IFT88: variants seen among roughly 807,000 people sequenced by gnomAD.
The protein encoded by IFT88 is intraflagellar transport 88.
Under a neutral mutation model 119.5 loss-of-function variants are expected in IFT88, and 74 were observed. The ratio of observed to expected loss-of-function variants is 0.62; its 90% confidence interval spans 0.51 to 0.75. The LOEUF (loss-of-function observed/expected upper bound fraction) is 0.75. IFT88 is among the 30% of genes least tolerant of loss of function. The pLI is 0.00. For missense variants in IFT88, 961 were observed against 977.7 expected (o/e 0.98, Z 0.23); for synonymous variants, 279 against 316.7 (o/e 0.88, Z 1.26).
At chr13:20,660,827 C>CCTTTTCGATGTCCAAGAGGAT (rs1487656835) in intron 22 of IFT88, among the ~76,000 whole-genome samples, 6 of 152,094 alleles carry the variant, frequency 3.9e-5, no homozygotes, top group African/African-American at 1.4e-4. Flanking sequence ...GTTTGAGCTA[C>CCTTTTCGATGTCCAAGAGGAT]CTTTTCGATG....
intron 3 of IFT88, among the ~76,000 whole-genome samples, chr13:20,587,839 C>T (rs1189390377): frequency 2.0e-5 from 3 of 151,714 alleles, no homozygotes; most frequent in Non-Finnish European, 2.9e-5. Flanking sequence ...CCAACTTTTC[C>T]GTATCAATTT....
chr13:20,602,372 GT>G (rs1436426819), intron 12 of IFT88, among the ~76,000 whole-genome samples: 2 of 151,850 alleles, frequency 1.3e-5, no homozygotes, highest in South Asian at 2.1e-4. Flanking sequence ...GCCCGGCTAA[GT>G]TTTTTATTTT....
At chr13:20,649,236 G>A (rs544935736) in intron 20 of IFT88, among the ~76,000 whole-genome samples, 6 of 152,220 alleles carry the variant, frequency 3.9e-5, no homozygotes, top group East Asian at 1.9e-4. Context: ...TACATGGAAC[G>A]TTCTCCAGGA....
At chr13:20,576,254 C>T (rs1236060139) in intron 2 of IFT88, among the ~76,000 whole-genome samples, 1 of 152,088 alleles carries the variant, frequency 6.6e-6, no homozygotes, top group Admixed American at 6.6e-5. Flanking sequence ...GAGTTCCTTA[C>T]ATATTCTGGT....
chr13:20,684,214 G>C (rs1309252003), intron 24 of IFT88, among the ~76,000 whole-genome samples: 1 of 152,162 alleles, frequency 6.6e-6, no homozygotes, highest in East Asian at 1.9e-4. Context: ...CTGGATTCCT[G>C]CCTAAATGGA....
intron 17 of IFT88, among the ~76,000 whole-genome samples, chr13:20,641,014 G>A (rs1327785659): frequency 2.0e-5 from 3 of 152,126 alleles, no homozygotes; most frequent in African/African-American, 4.8e-5. Context: ...GGGCGTGGTA[G>A]CACGTGCATA....
At position 20,690,689 on chromosome 13, in the gene IFT88, A is replaced by G. The variant is rs1228155242; in HGVS notation, c.2243-16A>G. 1 of 1,519,354 alleles carries G rather than the reference A, an allele frequency of 6.6e-7. No individual in the cohort carries two copies. The highest frequency in any genetic ancestry group is 9.1e-7 in the Non-Finnish European group (1 of 1,093,908). The allele number at this position is 1,519,354 out of a possible 1,614,324, so 94.1% of individuals were successfully genotyped here. On this transcript the variant is annotated splice_polypyrimidine_tract_variant and intron_variant, in intron 24 of 25. Coordinates refer to ENST00000351808, the MANE Select transcript of IFT88 (RefSeq NM_006531.5). ...CAACATATTAAACAAATGCATTTTT[A>G]TTTTCGTGTTTTCAGATAGTGGCCA...
intron 24 of IFT88, among the ~76,000 whole-genome samples, chr13:20,681,620 G>A (rs1039680280): frequency 1.3e-5 from 2 of 152,220 alleles, no homozygotes; most frequent in African/African-American, 2.4e-5. Flanking sequence ...TGGAAGAGTT[G>A]TATGAGCTCC....
intron 14 of IFT88, among the ~76,000 whole-genome samples, chr13:20,620,809 G>A (rs9509303): frequency 0.4 from 60,455 of 151,968 alleles, 13,828 homozygotes; most frequent in Non-Finnish European, 0.52. Context: ...GATGATAGAC[G>A]TGAGTCACCA....
At chr13:20,619,318 C>G (rs1323556828) in intron 14 of IFT88, among the ~76,000 whole-genome samples, 1 of 152,150 alleles carries the variant, frequency 6.6e-6, no homozygotes, top group African/African-American at 2.4e-5. Context: ...AATGCCAATC[C>G]TAATCACTGG....
chr13:20,671,124 G>C lies in IFT88; in HGVS notation c.2242+85G>C. 4.9e-6 allele frequency: 5 copies of C among 1,014,126 alleles called. No individual in the cohort carries two copies. In the South Asian group the frequency reaches 7.2e-5, roughly 15 times the overall value. 62.8% of individuals were successfully genotyped at this position (1,014,126 alleles called of 1,614,324 possible). ...TGGAAACATCTTGCAATAATCTAAA[G>C]TGTTCTTATGTGTCTGTCGGTTTGT... On this transcript the variant is annotated intron_variant, in intron 24 of 25. Transcript: ENST00000351808.
chr13:20,567,683 A>C (rs9552244), intron 1 of IFT88: 5 of 1,143,486 alleles, frequency 4.4e-6, no homozygotes, highest in Non-Finnish European at 5.4e-6. Context: ...AAGCACTTCA[A>C]ATTGCCTGAT....
chr13:20,651,226 A>G (rs2051608014), intron 20 of IFT88, among the ~76,000 whole-genome samples: 1 of 151,976 alleles, frequency 6.6e-6, no homozygotes, highest in Non-Finnish European at 1.5e-5. Flanking sequence ...GGATTTTGAT[A>G]GGGATTGCAT....
At position 20,691,377 on chromosome 13, in the gene IFT88, G is replaced by A; in HGVS notation, c.*202G>A. The A allele has an allele frequency of 2.4e-6, 1 of 421,244 alleles. No individual in the cohort carries two copies. The highest frequency in any genetic ancestry group is 4.4e-5 in the South Asian group (1 of 22,488). The allele number at this position is 421,244 out of a possible 1,614,324, so 26.1% of individuals were successfully genotyped here. On this transcript the variant is annotated 3_prime_UTR_variant, in exon 26 of 26. Transcript: ENST00000351808. ...CAGGTAAAACTAATACTTTAGGCCA[G>A]TGACTTCCTTAGCTTTTTGAAAACA...
chr13:20,596,087 A>AAATAT (rs1412633633), intron 7 of IFT88, 63 bp from the exon 8 acceptor site: 15 of 478,528 alleles, frequency 3.1e-5, no homozygotes, highest in Non-Finnish European at 4.8e-5. Flanking sequence ...AAATAAAATA[A>AAATAT]ATTTTAGTAT....
intron 1 of IFT88, among the ~76,000 whole-genome samples, chr13:20,569,851 A>G (rs2137764251): frequency 6.6e-6 from 1 of 151,614 alleles, no homozygotes. Flanking sequence ...ATACGGTGAA[A>G]CCCCATCTCT....
intron 20 of IFT88, among the ~76,000 whole-genome samples, chr13:20,646,356 G>T: frequency 6.6e-6 from 1 of 150,820 alleles, no homozygotes; most frequent in Non-Finnish European, 1.5e-5. Flanking sequence ...AGGCTGGAGT[G>T]CAGTGGCGTG....
intron 24 of IFT88, among the ~76,000 whole-genome samples, chr13:20,676,654 T>A (rs775275273): frequency 6.6e-6 from 1 of 152,254 alleles, no homozygotes; most frequent in Non-Finnish European, 1.5e-5. Context: ...GAATTACTAG[T>A]GCTTATAAAT....
chr13:20,569,273 A>G (rs2035694509), intron 1 of IFT88, among the ~76,000 whole-genome samples: 1 of 152,108 alleles, frequency 6.6e-6, no homozygotes, highest in Admixed American at 6.5e-5. Flanking sequence ...ATTGTATATC[A>G]TCAAAATTTA....
Sources: gnomAD v4.1 joint callset for allele counts (sites outside exome capture counted in the v4.1 genomes callset) on GRCh38, gnomAD v4.1.1 for gene constraint, MANE v1.5 for transcripts, NCBI Gene and HGNC (gene_info 2026-07-23, HGNC 2026-07-21) for gene names.